The following DMD variants were observed in gnomAD, a reference collection of about 807,000 sequenced individuals.
DMD encodes mutant dystrophin.
Under a neutral mutation model 330.1 loss-of-function variants are expected in DMD, and 63 were observed. That is an observed-to-expected ratio of 0.19 (90% CI 0.16 to 0.24). DMD has a LOEUF of 0.24. DMD is among the 10% of genes least tolerant of loss of function. The pLI, the probability that DMD is intolerant of heterozygous loss-of-function variation, is 1.00. For synonymous variants in DMD, 1,223 were observed against 959.8 expected (o/e 1.27, Z -5.07); for missense variants, 3,344 against 2,684.1 (o/e 1.25, Z -5.43).
chrX:32,618,173 T>A (rs1253638867), intron 11 of DMD, among the ~76,000 whole-genome samples: 1 of 111,985 alleles, frequency 8.9e-6, no homozygotes, highest in African/African-American at 3.2e-5. Context: ...GTGTATACAC[T>A]TAAAGGAATA....
At chrX:31,178,515 G>A (rs2040798367) in intron 70 of DMD, 154 bp downstream of exon 70, 3 of 1,007,527 alleles carry the variant, frequency 3.0e-6, no homozygotes, top group East Asian at 3.5e-5. Flanking sequence ...AGTGGCAACT[G>A]GACATCAGCT....
At position 32,714,436 on chromosome X, in the gene DMD, T is replaced by G. The variant is rs181958344; in HGVS notation, c.650-15143A>C. ...AATACAGTATTTGATTTTCTGTTTC[T>G]GACTTATTTCACTTAGGATGATAGC... On this transcript the variant is annotated intron_variant, in intron 7 of 78. Transcript: ENST00000357033. 6.3e-5 allele frequency among the ~76,000 whole-genome samples: 7 copies of G among 111,990 alleles called. No homozygotes were observed. In the East Asian group the frequency reaches 2.0e-3, roughly 31 times the overall value.
chrX:32,818,826 T>C (rs59616179), intron 5 of DMD, among the ~76,000 whole-genome samples: 1,898 of 109,452 alleles, frequency 0.017, 38 homozygotes, highest in African/African-American at 0.06. Context: ...CCCACTACTA[T>C]TGACTGATGA....
intron 63 of DMD, among the ~76,000 whole-genome samples, chrX:31,240,346 T>C (rs1451700766): frequency 8.9e-6 from 1 of 112,269 alleles, no homozygotes; most frequent in South Asian, 3.7e-4. Context: ...GAAGCAAACA[T>C]AAAAACTATA....
intron 1 of DMD, among the ~76,000 whole-genome samples, chrX:33,218,165 C>T (rs1198194621): frequency 1.8e-5 from 2 of 111,292 alleles, no homozygotes; most frequent in Non-Finnish European, 3.8e-5. Flanking sequence ...TTTTGTCAAA[C>T]GTTTTTTCCC....
intron 48 of DMD, among the ~76,000 whole-genome samples, chrX:31,845,176 C>T (rs1156997562): frequency 9.1e-6 from 1 of 110,438 alleles, no homozygotes; most frequent in Non-Finnish European, 1.9e-5. Flanking sequence ...GAAGACTGCT[C>T]CTCTCTTCAG....
intron 29 of DMD, among the ~76,000 whole-genome samples, chrX:32,436,785 C>CCACACA (rs774197384): frequency 9.2e-6 from 1 of 108,457 alleles, no homozygotes; most frequent in Non-Finnish European, 1.9e-5. Context: ...AACAACATTT[C>CCACACA]CACACACACA....
intron 7 of DMD, among the ~76,000 whole-genome samples, chrX:32,774,256 G>C (rs765965404): frequency 8.9e-6 from 1 of 112,034 alleles, no homozygotes; most frequent in African/African-American, 3.2e-5. Flanking sequence ...CTTCTTTCAA[G>C]TAATGGGACT....
chrX:32,446,020 G>A (rs1336197332), intron 27 of DMD, among the ~76,000 whole-genome samples: 1 of 110,188 alleles, frequency 9.1e-6, no homozygotes, highest in East Asian at 2.8e-4. Context: ...AGCAGATAGA[G>A]ATAAGAATAT....
At chrX:31,395,624 C>G (rs2148815154) in intron 60 of DMD, among the ~76,000 whole-genome samples, 1 of 112,201 alleles carries the variant, frequency 8.9e-6, no homozygotes, top group Non-Finnish European at 1.9e-5. Flanking sequence ...TGATAAGACT[C>G]AGATAGTACA....
chrX:32,266,608 GAATT>G (rs1242113818), intron 43 of DMD, among the ~76,000 whole-genome samples: 2 of 111,591 alleles, frequency 1.8e-5, no homozygotes, highest in Non-Finnish European at 3.8e-5. Context: ...ATCATTTACA[GAATT>G]ATTTAATGGA....
At chrX:31,498,305 C>T (rs752073242) in intron 56 of DMD, among the ~76,000 whole-genome samples, 1 of 111,727 alleles carries the variant, frequency 9.0e-6, no homozygotes, top group South Asian at 3.7e-4. Context: ...AAAACCCCAA[C>T]CTACTGATTG....
chrX:32,842,359 C>G (rs2080237360), intron 4 of DMD, among the ~76,000 whole-genome samples: 1 of 112,366 alleles, frequency 8.9e-6, no homozygotes, highest in African/African-American at 3.2e-5. Context: ...CACACTCCTC[C>G]AAAAACTTGC....
At chrX:31,648,149 T>C (rs771347564) in intron 54 of DMD, among the ~76,000 whole-genome samples, 85 of 111,468 alleles carry the variant, frequency 7.6e-4, no homozygotes, top group Middle Eastern at 4.6e-3. Flanking sequence ...AGGGAGTAAG[T>C]AAAATAAAAA....
chrX:33,061,372 A>G (rs745651639), intron 1 of DMD, among the ~76,000 whole-genome samples: 1 of 112,199 alleles, frequency 8.9e-6, no homozygotes, highest in Admixed American at 9.6e-5. Flanking sequence ...TAAGTGGTGG[A>G]AAATGAATCT....
intron 2 of DMD, among the ~76,000 whole-genome samples, chrX:32,888,216 C>T (rs1328187973): frequency 9.1e-6 from 1 of 110,037 alleles, no homozygotes; most frequent in African/African-American, 3.3e-5. Flanking sequence ...ATACATGTGC[C>T]ATGGTGGTTT....
chrX:31,846,475 T>C (rs1402651855), intron 48 of DMD, among the ~76,000 whole-genome samples: 1 of 108,637 alleles, frequency 9.2e-6, no homozygotes, highest in Non-Finnish European at 1.9e-5. Flanking sequence ...ACACACAATC[T>C]TTAAGGATAG....
chrX:31,595,934 C>A (rs979879027), intron 55 of DMD, among the ~76,000 whole-genome samples: 1 of 110,544 alleles, frequency 9.0e-6, no homozygotes, highest in Non-Finnish European at 1.9e-5. Context: ...TCAAAAGCAA[C>A]GTTTTTATCC....
rs765251915 is a variant in DMD at position 33,296,974 on chromosome X, G to A, written c.7+42285C>T. Among the ~76,000 whole-genome samples, 3 of 111,223 alleles carry A rather than the reference G, an allele frequency of 2.7e-5. No individual in the cohort carries two copies. In the East Asian group the frequency reaches 8.5e-4, roughly 32 times the overall value. ...TGTTATTGTTAAGAATAACACCTCTGAAGTGATACTTCCTGAGATCCAATA... is the reference window on the plus strand; with the variant it reads ...TGTTATTGTTAAGAATAACACCTCTAAAGTGATACTTCCTGAGATCCAATA... On this transcript the variant is annotated intron_variant, in intron 1 of 17. Transcript: ENST00000288447.
Sources: allele counts gnomAD v4.1 joint callset (sites outside exome capture counted in the v4.1 genomes callset), GRCh38; gene constraint gnomAD v4.1.1; transcripts MANE v1.5; gene names NCBI Gene and HGNC (gene_info 2026-07-23, HGNC 2026-07-21).